Variants in PRKACB observed in about 807,000 individuals in gnomAD.
The protein encoded by PRKACB is protein kinase cAMP-activated catalytic subunit beta.
PRKACB carries 16 observed loss-of-function variants against 51.4 expected under a neutral mutation model. The ratio of observed to expected loss-of-function variants is 0.31; its 90% CI spans 0.21 to 0.47. The LOEUF is 0.47. Ranked by LOEUF, PRKACB falls within the 20% of genes least tolerant of loss-of-function variation. PRKACB has a pLI of 1.00. For missense variants in PRKACB, 309 were observed against 464.5 expected (o/e 0.67, Z 3.08); for synonymous variants, 147 against 154.4 (o/e 0.95, Z 0.35).
chr1:84,187,647 C>T (rs762857598), intron 5 of PRKACB, among the ~76,000 whole-genome samples: 1 of 152,040 alleles, frequency 6.6e-6, no homozygotes, highest in African/African-American at 2.4e-5. Flanking sequence ...TTGGAGGAAC[C>T]TAGAAGAATT....
upstream of PRKACB, among the ~76,000 whole-genome samples, chr1:84,143,096 C>T (rs186508838): frequency 9.2e-5 from 14 of 152,112 alleles, no homozygotes; most frequent in East Asian, 2.5e-3. Flanking sequence ...TTAAATGCCA[C>T]AGGTTACTTT....
At chr1:84,099,582 A>G (rs569331812) in intron 1 of PRKACB, among the ~76,000 whole-genome samples, 26 of 152,002 alleles carry the variant, frequency 1.7e-4, no homozygotes, top group Admixed American at 2.6e-4. Context: ...ATCCTTTGAG[A>G]ATTTAGGAGC....
chr1:84,130,497 A>G (rs1485005665), intron 1 of PRKACB, among the ~76,000 whole-genome samples: 1 of 152,236 alleles, frequency 6.6e-6, no homozygotes, highest in Non-Finnish European at 1.5e-5. Flanking sequence ...TTTGTTTAAT[A>G]AAGGGAAAAG....
intron 1 of PRKACB, among the ~76,000 whole-genome samples, chr1:84,123,618 A>G (rs1170617212): frequency 6.6e-6 from 1 of 152,184 alleles, no homozygotes; most frequent in East Asian, 1.9e-4. Context: ...TTGGAGAGGG[A>G]TAGAGAAAAT....
intron 6 of PRKACB, 29 bp from the exon 7 acceptor site, chr1:84,197,700 T>C: frequency 6.9e-7 from 1 of 1,454,932 alleles, no homozygotes; most frequent in African/African-American, 1.4e-5. Context: ...GTAATACATT[T>C]TCACTAGTAT....
At chr1:84,150,414 G>A (rs1009567748) in intron 1 of PRKACB, among the ~76,000 whole-genome samples, 1 of 151,982 alleles carries the variant, frequency 6.6e-6, no homozygotes, top group South Asian at 2.1e-4. Flanking sequence ...AACTACCAGG[G>A]TCATGGTAAG....
At chr1:84,096,047 A>G (rs1035051267) in intron 1 of PRKACB, among the ~76,000 whole-genome samples, 2 of 152,018 alleles carry the variant, frequency 1.3e-5, no homozygotes, top group African/African-American at 4.8e-5. Context: ...ATATTTCTTA[A>G]GAGAGGACTT....
At chr1:84,083,763 G>T (rs1557898336) in intron 1 of PRKACB, among the ~76,000 whole-genome samples, 2 of 152,068 alleles carry the variant, frequency 1.3e-5, no homozygotes, top group Non-Finnish European at 2.9e-5. Flanking sequence ...ATAGAAAAGT[G>T]TGAAATTTAT....
In PRKACB at chr1:84,144,369, C is replaced by T; in HGVS notation, c.8C>T (p.Ala3Val). 1 of 1,609,972 alleles carries T rather than the reference C, an allele frequency of 6.2e-7. No homozygotes were observed. The highest frequency in any genetic ancestry group is 8.5e-7 in the Non-Finnish European group (1 of 1,178,512). MAAYREPPCNQYT... is the reference protein window; with the variant it reads MAVYREPPCNQYT... ...AAGTGTAAATGCACATGAATGGCAG[C>T]TTATAGAGAACCACCTTGTAACCAG... Residue 3 changes from alanine (A) to valine (V), a missense_variant, in exon 1 of 10, where the codon GCT (alanine) becomes GTT (valine). Ala to Val is a moderately conservative substitution (Grantham distance 64, BLOSUM62 0). Around this residue, in one of 3 missense-constraint regions of PRKACB, gnomAD observed 153 missense variants for 190.2 expected, o/e 0.80. Transcript: ENST00000370685.
rs115621258 is a variant in PRKACB at position 84,189,398 on chromosome 1, C to T, written c.560+4216C>T. ...TTCAAATTATACTGAAAGAAAACTT[C>T]GTTTTTCTAGGCCTTTAAGATAAAC... On this transcript the variant is annotated intron_variant, in intron 5 of 9. Transcript: ENST00000370685. Among the ~76,000 whole-genome samples the T allele has an allele frequency of 2.1e-3, 319 of 151,112 alleles. 3 individuals carry two copies. The highest frequency in any genetic ancestry group is 7.4e-3 in the African/African-American group (303 of 41,184).
chr1:84,114,502 A>AT (rs1449811779), intron 1 of PRKACB, among the ~76,000 whole-genome samples: 2 of 152,078 alleles, frequency 1.3e-5, no homozygotes, highest in African/African-American at 4.8e-5. Flanking sequence ...TGTAACATGA[A>AT]TTTTATTACA....
intron 1 of PRKACB, chr1:84,164,675 G>C: frequency 1.4e-6 from 2 of 1,394,172 alleles, no homozygotes; most frequent in Non-Finnish European, 1.9e-6. Context: ...ATACATCCTG[G>C]TTCGAACATT....
At chr1:84,152,924 C>G (rs1655014609) in intron 1 of PRKACB, among the ~76,000 whole-genome samples, 1 of 152,136 alleles carries the variant, frequency 6.6e-6, no homozygotes, top group Admixed American at 6.6e-5. Flanking sequence ...TAGCTTTTGG[C>G]CTGTCTCAGC....
intron 8 of PRKACB, chr1:84,204,433 G>A (rs1433135279): frequency 7.2e-7 from 1 of 1,379,612 alleles, no homozygotes; most frequent in Non-Finnish European, 1.0e-6. Context: ...TACATTTGTA[G>A]ATCTCTGGCT....
At chr1:84,166,906 T>G (rs1657671206) in intron 1 of PRKACB, among the ~76,000 whole-genome samples, 1 of 151,638 alleles carries the variant, frequency 6.6e-6, no homozygotes, top group Non-Finnish European at 1.5e-5. Context: ...ACCTGAACGT[T>G]CAGTTCAAAA....
intron 9 of PRKACB, among the ~76,000 whole-genome samples, chr1:84,234,882 C>G (rs657603): frequency 0.97 from 146,943 of 152,264 alleles, 71,041 homozygotes; most frequent in Non-Finnish European, 1. Context: ...CTTCTGTGTC[C>G]CTCACGCTGG....
At chr1:84,134,854 G>T (rs1220306812) in intron 1 of PRKACB, among the ~76,000 whole-genome samples, 2 of 152,108 alleles carry the variant, frequency 1.3e-5, no homozygotes, top group Non-Finnish European at 2.9e-5. Context: ...TGACATGGCA[G>T]TTATTCATTT....
At chr1:84,188,417 T>C (rs931283062) in intron 5 of PRKACB, among the ~76,000 whole-genome samples, 1 of 151,854 alleles carries the variant, frequency 6.6e-6, no homozygotes, top group Non-Finnish European at 1.5e-5. Flanking sequence ...GGGTCTTTTC[T>C]ATGAATCTGA....
At chr1:84,174,544 G>A (rs1169344925) in intron 1 of PRKACB, among the ~76,000 whole-genome samples, 1 of 151,828 alleles carries the variant, frequency 6.6e-6, no homozygotes, top group Non-Finnish European at 1.5e-5. Flanking sequence ...CCACTAAATG[G>A]TGCTCAATAA....
Sources: allele counts gnomAD v4.1 joint callset (sites outside exome capture counted in the v4.1 genomes callset), GRCh38; gene constraint gnomAD v4.1.1; regional missense constraint gnomAD v4.1.1; transcripts MANE v1.5; gene names NCBI Gene and HGNC (gene_info 2026-07-23, HGNC 2026-07-21).